The following NOS1AP variants were observed in gnomAD, a reference collection of about 807,000 sequenced individuals.
The protein encoded by NOS1AP is nitric oxide synthase 1 adaptor protein.
NOS1AP carries 21 observed loss-of-function variants against 56.2 expected under a neutral mutation model. The observed-to-expected ratio is 0.37, with a 90% CI of 0.26 to 0.54. The LOEUF (loss-of-function observed/expected upper bound fraction) is 0.54. Among genes scored for constraint, NOS1AP ranks in the 20% least tolerant of loss-of-function variants. The pLI, the probability that NOS1AP is intolerant of heterozygous loss-of-function variation, is 0.84. For missense variants in NOS1AP, 522 were observed against 657.8 expected, an observed-to-expected ratio of 0.79 and a Z score of 2.26; for synonymous variants, 270 against 274.6, an observed-to-expected ratio of 0.98 and a Z score of 0.17.
At chr1:162,169,579 G>T (rs952006733) in intron 2 of NOS1AP, among the ~76,000 whole-genome samples, 1 of 152,190 alleles carries the variant, frequency 6.6e-6, no homozygotes, top group Admixed American at 6.5e-5. Context: ...CAGTGTGCAT[G>T]CAGTACTACT....
chr1:162,365,762 G>A (rs1295191334), intron 9 of NOS1AP, among the ~76,000 whole-genome samples, 193 bp downstream of exon 9: 3 of 152,020 alleles, frequency 2.0e-5, no homozygotes, highest in Admixed American at 1.3e-4. Flanking sequence ...AGGAGATCTC[G>A]GGTGCCTTCT....
chr1:162,301,941 G>A (rs1430151715), intron 4 of NOS1AP, among the ~76,000 whole-genome samples: 1 of 152,216 alleles, frequency 6.6e-6, no homozygotes, highest in African/African-American at 2.4e-5. Context: ...CAATGTGCAG[G>A]TGTGAAATAC....
chr1:162,332,107 A>G (rs1421262055), intron 4 of NOS1AP, among the ~76,000 whole-genome samples: 1 of 152,170 alleles, frequency 6.6e-6, no homozygotes, highest in Admixed American at 6.5e-5. Flanking sequence ...CACTTGAACC[A>G]CACTCCGTTG....
At chr1:162,161,509 T>C (rs1650215176) in intron 2 of NOS1AP, among the ~76,000 whole-genome samples, 1 of 152,232 alleles carries the variant, frequency 6.6e-6, no homozygotes, top group South Asian at 2.1e-4. Flanking sequence ...GCACATGTAT[T>C]TTACAGTTAT....
intron 2 of NOS1AP, among the ~76,000 whole-genome samples, chr1:162,172,929 G>GTTT (rs35870777): frequency 9.8e-4 from 146 of 149,504 alleles, no homozygotes; most frequent in Non-Finnish European, 1.3e-3. Context: ...TCAATAGGAG[G>GTTT]TTTTTTTTTT....
intron 2 of NOS1AP, among the ~76,000 whole-genome samples, chr1:162,192,064 C>T (rs957817925): frequency 6.6e-6 from 1 of 152,158 alleles, no homozygotes; most frequent in African/African-American, 2.4e-5. Context: ...ACCAGTGATT[C>T]TGAAAATGTG....
At chr1:162,195,348 T>C (rs1651772035) in intron 2 of NOS1AP, among the ~76,000 whole-genome samples, 1 of 152,184 alleles carries the variant, frequency 6.6e-6, no homozygotes, top group Non-Finnish European at 1.5e-5. Flanking sequence ...CACTCTGTCC[T>C]TTAATCACCA....
rs139147611 is a variant in NOS1AP, at chr1:162,262,855, A to T, written c.178-24489A>T. On this transcript the variant is annotated intron_variant, in intron 2 of 9. Transcript: ENST00000361897. ...GCCCTTGAAGTCAGTCACTATTCTA[A>T]TCTCTTTAAGTATATTCTCTTTATG... 3.2e-3 allele frequency among the ~76,000 whole-genome samples: 482 copies of T among 152,272 alleles called. 8 individuals are homozygous for T. The highest frequency in any genetic ancestry group is 0.021 in the Admixed American group (317 of 15,290).
At chr1:162,201,277 A>G (rs1484272546) in intron 2 of NOS1AP, among the ~76,000 whole-genome samples, 1 of 152,160 alleles carries the variant, frequency 6.6e-6, no homozygotes, top group African/African-American at 2.4e-5. Context: ...CATGGTGTAT[A>G]TGTGCCACAG....
intron 2 of NOS1AP, among the ~76,000 whole-genome samples, chr1:162,252,878 A>G (rs1653911670): frequency 6.6e-6 from 1 of 152,188 alleles, no homozygotes; most frequent in Non-Finnish European, 1.5e-5. Flanking sequence ...TATGTTCAGC[A>G]GCTATTGTAT....
At chr1:162,356,035 G>A (rs1657694982) in intron 7 of NOS1AP, among the ~76,000 whole-genome samples, 1 of 152,208 alleles carries the variant, frequency 6.6e-6, no homozygotes, top group South Asian at 2.1e-4. Context: ...TTCCCAGGCG[G>A]TTTATATCAG....
intron 1 of NOS1AP, among the ~76,000 whole-genome samples, chr1:162,109,147 A>G (rs575000447): frequency 7.9e-5 from 12 of 152,330 alleles, no homozygotes; most frequent in African/African-American, 2.6e-4. Flanking sequence ...CTATGATTCA[A>G]TTATCTCCAA....
intron 2 of NOS1AP, among the ~76,000 whole-genome samples, chr1:162,285,963 A>G (rs1655078309): frequency 6.6e-6 from 1 of 152,236 alleles, no homozygotes; most frequent in Admixed American, 6.5e-5. Context: ...GTGAGGTCCT[A>G]TTCTTGTAGA....
At chr1:162,237,055 C>A (rs1055896795) in intron 2 of NOS1AP, among the ~76,000 whole-genome samples, 1 of 152,200 alleles carries the variant, frequency 6.6e-6, no homozygotes, top group Non-Finnish European at 1.5e-5. Flanking sequence ...TTTAAACCAG[C>A]TCGTTTCCCG....
rs766678156 is a variant in NOS1AP at position 162,190,838 on chromosome 1, G to A, written c.177+36362G>A. 8.5e-5 allele frequency among the ~76,000 whole-genome samples: 13 copies of A among 152,048 alleles called. No individual in the cohort carries two copies. In the East Asian group the frequency reaches 9.7e-4, roughly 11 times the overall value. On this transcript the variant is annotated intron_variant, in intron 2 of 9. Transcript: ENST00000361897. ...TGAAATCAACTTTTTTTTAGCTTCC[G>A]TATGTGAGTGAGAACATGCAGTGTT... is the stretch of plus-strand genomic sequence containing the variant.
chr1:162,297,815 C>T (rs900580276), intron 3 of NOS1AP, among the ~76,000 whole-genome samples: 1 of 152,180 alleles, frequency 6.6e-6, no homozygotes, highest in Non-Finnish European at 1.5e-5. Context: ...AAACCCTAGA[C>T]ATTTTATATA....
intron 2 of NOS1AP, among the ~76,000 whole-genome samples, chr1:162,232,062 T>C (rs527599002): frequency 2.1e-3 from 323 of 152,338 alleles, no homozygotes; most frequent in Admixed American, 4.2e-3. Context: ...GAGGTATCCT[T>C]TGTAACTCTA....
intron 2 of NOS1AP, among the ~76,000 whole-genome samples, chr1:162,249,163 G>A (rs919559024): frequency 4.5e-4 from 68 of 152,276 alleles, no homozygotes; most frequent in East Asian, 5.8e-4. Flanking sequence ...TGGATATAGA[G>A]TTGGATTCAA....
intron 5 of NOS1AP, among the ~76,000 whole-genome samples, chr1:162,339,413 A>AT (rs1553207380): frequency 6.6e-5 from 10 of 152,212 alleles, no homozygotes; most frequent in African/African-American, 2.4e-4. Flanking sequence ...AAAAAAAAAA[A>AT]AATCTAGTAA....
Sources: gnomAD v4.1 joint callset for allele counts (sites outside exome capture counted in the v4.1 genomes callset) on GRCh38, gnomAD v4.1.1 for gene constraint, MANE v1.5 for transcripts, NCBI Gene and HGNC (gene_info 2026-07-23, HGNC 2026-07-21) for gene names.